Variants in ANKH observed in about 807,000 individuals in gnomAD.
ANKH encodes the protein ANKH inorganic pyrophosphate transport regulator.
In ANKH, 15 loss-of-function variants were observed where a neutral mutation model predicts 49.0. The observed-to-expected ratio is 0.31, with a 90% CI of 0.20 to 0.47. ANKH has a LOEUF of 0.47. Ranked by LOEUF, ANKH falls within the 20% of genes least tolerant of loss-of-function variation. The probability of loss-of-function intolerance (pLI) is 1.00; values close to 1 mark genes in which losing one functional copy is unlikely to be tolerated. For synonymous variants in ANKH, 273 were observed against 260.0 expected, an observed-to-expected ratio of 1.05 and a Z score of -0.48; for missense variants, 429 against 652.0, an observed-to-expected ratio of 0.66 and a Z score of 3.72.
intron 1 of ANKH, among the ~76,000 whole-genome samples, chr5:14,854,840 T>C (rs888982500): frequency 5.3e-5 from 8 of 152,158 alleles, no homozygotes; most frequent in Non-Finnish European, 1.0e-4. Context: ...CACAGCTGTC[T>C]CTCTGGTAGT....
At chr5:14,780,834 C>G (rs1739783875) in intron 1 of ANKH, among the ~76,000 whole-genome samples, 1 of 152,236 alleles carries the variant, frequency 6.6e-6, no homozygotes, top group African/African-American at 2.4e-5. Context: ...AAAGACAACT[C>G]CTCCGTCTAC....
chr5:14,713,601 C>G lies in ANKH; in HGVS notation c.1208G>C (p.Ser403Thr). The change falls in exon 10 of 12, where the codon AGC (serine) becomes ACC (threonine). Residue 403 changes from serine (S) to threonine (T), a missense_variant. This residue lies in a region of ANKH where 378 missense variants were observed against 615.3 expected (regional missense o/e 0.61). Transcript: ENST00000284268. The surrounding 1 kb of genome is among the most constrained non-coding windows in gnomAD (Gnocchi z 4.4). ...TLKKTFVLAPSSVLRIIVLIA... is the reference protein window; with the variant it reads ...TLKKTFVLAPTSVLRIIVLIA... ...GAGGACGATGATCCGCAGCACAGAGCTGGGGGCAAGGACGAAGGTTTTCTT... is the reference window on the plus strand; with the variant it reads ...GAGGACGATGATCCGCAGCACAGAGGTGGGGGCAAGGACGAAGGTTTTCTT... 1 of 1,614,232 alleles carries G rather than the reference C, an allele frequency of 6.2e-7. No homozygotes were observed. Among genetic ancestry groups the G allele is most frequent in the Non-Finnish European group, 8.5e-7 (1 of 1,180,036 alleles).
chr5:14,708,177 C>A lies in ANKH; in HGVS notation c.*3020G>T, dbSNP rs1460427136. The A allele has an allele frequency of 6.6e-6, 1 of 152,224 alleles. No homozygotes were observed. Among genetic ancestry groups the A allele is most frequent in the African/African-American group, 2.4e-5 (1 of 41,446 alleles). The allele number at this position is 152,224 out of a possible 1,614,324, so 9.4% of individuals were successfully genotyped here. On this transcript the variant is annotated 3_prime_UTR_variant, in exon 12 of 12. Transcript: ENST00000284268. ...GGCAACTGCACATTTAGGATGACGT[C>A]CCTTGTGCTACTCAAACAGGCCACC... is the stretch of plus-strand genomic sequence containing the variant.
chr5:14,711,140 G>A lies in ANKH; in HGVS notation c.*57C>T. 7.2e-7 allele frequency: 1 copy of A among 1,387,056 alleles called. No homozygotes were observed. The highest frequency in any genetic ancestry group is 1.0e-6 in the Non-Finnish European group (1 of 973,122). 85.9% of individuals were successfully genotyped at this position (1,387,056 alleles called of 1,614,324 possible). A position where few individuals can be genotyped will look rare whatever the true frequency, so the allele number is the denominator to read the frequency against. Reference sequence around the variant, plus strand: ...AAATACGATGGGAGAGGGAAGAGATGATGCCGAAGTGTCATCCTGACTGAC... The same window carrying A: ...AAATACGATGGGAGAGGGAAGAGATAATGCCGAAGTGTCATCCTGACTGAC... On this transcript the variant is annotated 3_prime_UTR_variant, in exon 12 of 12. Coordinates refer to ENST00000284268, the MANE Select transcript of ANKH (RefSeq NM_054027.6).
intron 1 of ANKH, among the ~76,000 whole-genome samples, chr5:14,809,226 C>A (rs1580085194): frequency 8.2e-6 from 1 of 122,364 alleles, no homozygotes; most frequent in Admixed American, 8.4e-5. Context: ...GGGAGATATA[C>A]CTAATGCTAG....
At chr5:14,789,721 C>T (rs1317320312) in intron 1 of ANKH, among the ~76,000 whole-genome samples, 1 of 152,122 alleles carries the variant, frequency 6.6e-6, no homozygotes, top group Non-Finnish European at 1.5e-5. Flanking sequence ...CATTCTCTCT[C>T]TCTCTCTCTC....
chr5:14,718,514 T>TA (rs1181842368), intron 8 of ANKH, among the ~76,000 whole-genome samples: 6 of 152,022 alleles, frequency 3.9e-5, no homozygotes, highest in African/African-American at 1.2e-4. Context: ...GAGAATGTTA[T>TA]AAAAAAGACA....
At position 14,825,377 on chromosome 5, in the gene ANKH, G is replaced by T. The variant is rs776323567; in HGVS notation, c.96+45975C>A. On this transcript the variant is annotated intron_variant, in intron 1 of 11. Transcript: ENST00000284268. Reference sequence around the variant, plus strand: ...TTTCTTTTTTATTTTTTTGAGACAGGATCTCCCTCTGTTGCCCAGGCTGGA... The same window carrying T: ...TTTCTTTTTTATTTTTTTGAGACAGTATCTCCCTCTGTTGCCCAGGCTGGA... 6.1e-4 allele frequency among the ~76,000 whole-genome samples: 93 copies of T among 152,060 alleles called. No homozygotes were observed. In the Middle Eastern group the frequency reaches 0.017, roughly 28 times the overall value.
intron 1 of ANKH, among the ~76,000 whole-genome samples, chr5:14,833,280 T>C (rs1561075921): frequency 6.6e-6 from 1 of 152,254 alleles, no homozygotes; most frequent in South Asian, 2.1e-4. Flanking sequence ...TAGCTTGGTA[T>C]GCTCATTAAA....
At chr5:14,721,462 G>A (rs948500344) in intron 8 of ANKH, among the ~76,000 whole-genome samples, 3 of 152,128 alleles carry the variant, frequency 2.0e-5, no homozygotes, top group Non-Finnish European at 4.4e-5. Flanking sequence ...GGAAAGGAAC[G>A]CCACATTTAT....
chr5:14,729,170 C>T (rs1390115191), intron 8 of ANKH, among the ~76,000 whole-genome samples: 1 of 152,182 alleles, frequency 6.6e-6, no homozygotes, highest in East Asian at 1.9e-4. Flanking sequence ...TCTCCTGCCT[C>T]AGCCTCCCGA....
chr5:14,859,751 A>G (rs1157603779), intron 1 of ANKH, among the ~76,000 whole-genome samples: 2 of 152,238 alleles, frequency 1.3e-5, no homozygotes, highest in Non-Finnish European at 2.9e-5. Flanking sequence ...ACACACAGGT[A>G]CGCATCCGTC....
Position 14,745,749 on chromosome 5 carries a change from A to G in ANKH, c.915+121T>C, listed in dbSNP as rs1738513050. 1 of 876,136 alleles carries G rather than the reference A, an allele frequency of 1.1e-6. No homozygotes were observed. The highest frequency in any genetic ancestry group is 1.4e-5 in the South Asian group (1 of 71,310). 54.3% of individuals were successfully genotyped at this position (876,136 alleles called of 1,614,324 possible). On this transcript the variant is annotated intron_variant, in intron 7 of 11. Transcript: ENST00000284268. This position sits in a 1 kb window ranked among gnomAD's most constrained non-coding sequence, Gnocchi z 4.7. The stretch of plus-strand genomic sequence containing the variant: ...ATTCCTTCAATGCCCCCAACGTCAC[A>G]TTAACCTTACAAAGGGAAGCAGGAC...
At chr5:14,712,812 T>C in intron 11 of ANKH, 62 bp downstream of exon 11, 2 of 1,481,218 alleles carry the variant, frequency 1.4e-6, no homozygotes, top group Non-Finnish European at 9.2e-7. Context: ...CAGTGGCTGC[T>C]CAGGTTCTCC....
intron 8 of ANKH, among the ~76,000 whole-genome samples, chr5:14,726,918 A>T (rs1393915872): frequency 6.6e-6 from 1 of 152,246 alleles, no homozygotes; most frequent in Non-Finnish European, 1.5e-5. Flanking sequence ...GTGCAAAGCC[A>T]CGTGTTCCCG....
chr5:14,729,286 C>T (rs1392303156), intron 8 of ANKH, among the ~76,000 whole-genome samples: 1 of 152,070 alleles, frequency 6.6e-6, no homozygotes, highest in Non-Finnish European at 1.5e-5. Context: ...CTCCCGACCT[C>T]AGGTGATTCG....
At chr5:14,839,943 T>A (rs571216555) in intron 1 of ANKH, among the ~76,000 whole-genome samples, 35 of 152,324 alleles carry the variant, frequency 2.3e-4, no homozygotes, top group African/African-American at 7.9e-4. Flanking sequence ...ATTACCAATG[T>A]CTGATTTTTG....
intron 1 of ANKH, among the ~76,000 whole-genome samples, chr5:14,862,250 A>C (rs1735516649): frequency 1.3e-5 from 2 of 152,316 alleles, no homozygotes; most frequent in Middle Eastern, 3.4e-3. Context: ...AACAAACAAA[A>C]AAAGAGCATT....
intron 9 of ANKH, among the ~76,000 whole-genome samples, chr5:14,716,126 G>A (rs187026944): frequency 2.6e-5 from 4 of 152,306 alleles, no homozygotes; most frequent in Admixed American, 6.5e-5. Context: ...ACAGAGGGCC[G>A]TTTTATTGTC....
Sources: gnomAD v4.1 joint callset for allele counts (sites outside exome capture counted in the v4.1 genomes callset) on GRCh38, gnomAD v4.1.1 for gene constraint, gnomAD v4.1.1 regional missense constraint, Gnocchi (gnomAD v3.1) non-coding constraint, MANE v1.5 for transcripts, NCBI Gene and HGNC (gene_info 2026-07-23, HGNC 2026-07-21) for gene names.